The following DAB1 variants were observed in gnomAD, a reference collection of about 807,000 sequenced individuals.
DAB1 encodes DAB adaptor protein 1, also known as disabled homolog 1.
Under a neutral mutation model 64.6 loss-of-function variants are expected in DAB1, and 15 were observed. The observed-to-expected ratio is 0.23, with a 90% CI of 0.16 to 0.36. The LOEUF (loss-of-function observed/expected upper bound fraction) is 0.36, where lower values mean the gene tolerates loss of function less well. DAB1 is among the 10% of genes least tolerant of loss of function. DAB1 has a pLI of 1.00. For missense variants in DAB1, 596 were observed against 706.7 expected (o/e 0.84, Z 1.78); for synonymous variants, 235 against 251.9 (o/e 0.93, Z 0.64).
chr1:58,243,474 T>C (rs1217660163), intron 4 of DAB1, among the ~76,000 whole-genome samples: 1 of 152,158 alleles, frequency 6.6e-6, no homozygotes, highest in Non-Finnish European at 1.5e-5. Context: ...GGTTGTCTGA[T>C]GTCACTGTTT....
chr1:57,565,024 A>G (rs932092125), intron 7 of DAB1, among the ~76,000 whole-genome samples: 5 of 152,336 alleles, frequency 3.3e-5, no homozygotes, highest in Admixed American at 2.0e-4. Flanking sequence ...AGCCAGAGAG[A>G]AAGGTCGGGT....
At chr1:57,137,448 A>C (rs896785550) in intron 3 of DAB1, among the ~76,000 whole-genome samples, 5 of 152,184 alleles carry the variant, frequency 3.3e-5, no homozygotes, top group African/African-American at 1.2e-4. Context: ...AGTCCTCCAA[A>C]GTTGATATGA....
At chr1:57,156,679 A>T (rs562029127) in intron 2 of DAB1, among the ~76,000 whole-genome samples, 6 of 152,318 alleles carry the variant, frequency 3.9e-5, no homozygotes, top group Admixed American at 3.9e-4. Flanking sequence ...AAAATTCCTA[A>T]TGGGATAAAA....
chr1:57,578,106 C>T (rs1337877363), intron 7 of DAB1, among the ~76,000 whole-genome samples: 5 of 152,242 alleles, frequency 3.3e-5, no homozygotes, highest in East Asian at 3.9e-4. Flanking sequence ...ATTTATCATG[C>T]GAATGAAAGA....
chr1:58,537,657 T>C (rs1646538554), intron 1 of DAB1, among the ~76,000 whole-genome samples: 1 of 152,208 alleles, frequency 6.6e-6, no homozygotes, highest in Non-Finnish European at 1.5e-5. Flanking sequence ...ATTTACCATA[T>C]ATACATCATT....
rs146456406 is a variant in DAB1, at chr1:58,285,109, T to G, written n.309+58243A>C. Among the ~76,000 whole-genome samples the G allele has an allele frequency of 4.0e-3, 602 of 152,330 alleles. 18 individuals carry two copies. The highest frequency in any genetic ancestry group is 0.036 in the Admixed American group (543 of 15,294). ...AGCCTTCGATAAAATTCAACATCCT[T>G]CATGTTAAAAAATCTCAATAAGCTA... is the stretch of plus-strand genomic sequence containing the variant. On this transcript the variant is annotated intron_variant and non_coding_transcript_variant, in intron 4 of 20. Transcript: ENST00000485760.
chr1:57,736,845 A>G (rs1647713828), intron 6 of DAB1, among the ~76,000 whole-genome samples: 1 of 152,174 alleles, frequency 6.6e-6, no homozygotes, highest in African/African-American at 2.4e-5. Flanking sequence ...ACACTGCTAG[A>G]ATCAGTTGTG....
At chr1:57,845,338 C>T (rs1031635715) in intron 1 of DAB1, among the ~76,000 whole-genome samples, 1 of 151,996 alleles carries the variant, frequency 6.6e-6, no homozygotes, top group African/African-American at 2.4e-5. Flanking sequence ...GATAGAGAGA[C>T]AGGAGGGAGG....
intron 6 of DAB1, among the ~76,000 whole-genome samples, chr1:57,669,113 G>A (rs1404034187): frequency 6.6e-6 from 1 of 152,060 alleles, no homozygotes; most frequent in Non-Finnish European, 1.5e-5. Flanking sequence ...CCTGAAAGGT[G>A]CACAGAATTT....
intron 8 of DAB1, among the ~76,000 whole-genome samples, chr1:57,066,762 T>C (rs1390417248): frequency 6.6e-6 from 1 of 152,208 alleles, no homozygotes; most frequent in Non-Finnish European, 1.5e-5. Context: ...GCTCTCCTCC[T>C]CGTTTTACGT....
chr1:57,639,395 T>C (rs1646100908), intron 7 of DAB1, among the ~76,000 whole-genome samples: 1 of 148,418 alleles, frequency 6.7e-6, no homozygotes, highest in African/African-American at 2.6e-5. Context: ...TATAAAGTTC[T>C]TTATAAATAA....
chr1:58,494,088 G>A (rs1300706112), intron 3 of DAB1, among the ~76,000 whole-genome samples: 1 of 152,156 alleles, frequency 6.6e-6, no homozygotes. Context: ...CATTGGAACA[G>A]AACAGAGCCC....
At chr1:57,025,517 G>A (rs1354293042) in intron 10 of DAB1, among the ~76,000 whole-genome samples, 1 of 152,282 alleles carries the variant, frequency 6.6e-6, no homozygotes, top group Non-Finnish European at 1.5e-5. Context: ...GCAGAGCAGG[G>A]TGTGGGGAGA....
chr1:57,548,376 C>G (rs534382173), intron 7 of DAB1, among the ~76,000 whole-genome samples: 1 of 152,256 alleles, frequency 6.6e-6, no homozygotes, highest in South Asian at 2.1e-4. Flanking sequence ...AATCCCATGA[C>G]AGCGTTCACA....
At chr1:58,105,558 G>T (rs1362316513) in intron 5 of DAB1, among the ~76,000 whole-genome samples, 1 of 152,102 alleles carries the variant, frequency 6.6e-6, no homozygotes, top group Non-Finnish European at 1.5e-5. Context: ...GCAAACATGA[G>T]GAGTTCATCA....
At chr1:57,671,672 C>T (rs987914805) in intron 6 of DAB1, among the ~76,000 whole-genome samples, 2 of 152,032 alleles carry the variant, frequency 1.3e-5, no homozygotes, top group Non-Finnish European at 2.9e-5. Context: ...CATGCTCCCT[C>T]CTTTGCCTTC....
chr1:57,896,814 T>TACTGTGAGTAGAA (rs1553140751), intron 5 of DAB1, among the ~76,000 whole-genome samples: 1 of 152,194 alleles, frequency 6.6e-6, no homozygotes, highest in Admixed American at 6.5e-5. Context: ...TTATTGTTTC[T>TACTGTGAGTAGAA]ACTGTGAGTG....
chr1:57,320,230 T>G (rs1056949396), intron 1 of DAB1, among the ~76,000 whole-genome samples: 1 of 152,152 alleles, frequency 6.6e-6, no homozygotes, highest in African/African-American at 2.4e-5. Flanking sequence ...CCTTATGCCA[T>G]GATTCTAAGA....
chr1:58,542,030 A>G (rs892468314), intron 1 of DAB1, among the ~76,000 whole-genome samples: 1 of 152,240 alleles, frequency 6.6e-6, no homozygotes, highest in African/African-American at 2.4e-5. Flanking sequence ...CAGTTTTAAT[A>G]GTATTATCTA....
Sources: gnomAD v4.1 joint callset for allele counts (sites outside exome capture counted in the v4.1 genomes callset) on GRCh38, gnomAD v4.1.1 for gene constraint, MANE v1.5 for transcripts, NCBI Gene and HGNC (gene_info 2026-07-23, HGNC 2026-07-21) for gene names.